GPR158: variants seen among roughly 807,000 people sequenced by gnomAD.
GPR158 encodes G protein-coupled receptor 158, also known as metabotropic glycine receptor.
Under a neutral mutation model 78.2 loss-of-function variants are expected in GPR158, and 30 were observed. The ratio of observed to expected loss-of-function variants is 0.38; its 90% confidence interval spans 0.29 to 0.52. The LOEUF is 0.52. Ranked by LOEUF, GPR158 falls within the 20% of genes least tolerant of loss-of-function variation. GPR158 has a pLI of 0.83. For missense variants in GPR158, 1,463 were observed against 1,523.5 expected (o/e 0.96, Z 0.66); for synonymous variants, 581 against 591.1 (o/e 0.98, Z 0.25).
intron 2 of GPR158, among the ~76,000 whole-genome samples, chr10:25,375,189 TTGTGAATGTTTA>T (rs1834059306): frequency 1.3e-5 from 2 of 151,796 alleles, no homozygotes; most frequent in Admixed American, 1.3e-4. Context: ...TATATCCTCT[TTGTGAATGTTTA>T]TGTCCTTTGC....
At chr10:25,285,388 C>G (rs1564410782) in intron 2 of GPR158, among the ~76,000 whole-genome samples, 1 of 152,072 alleles carries the variant, frequency 6.6e-6, no homozygotes, top group Non-Finnish European at 1.5e-5. Context: ...GCCTCAGCCT[C>G]ATGACAGGCT....
intron 2 of GPR158, among the ~76,000 whole-genome samples, chr10:25,370,685 C>T (rs981348013): frequency 4.8e-4 from 72 of 150,244 alleles, no homozygotes; most frequent in Non-Finnish European, 8.0e-4. Context: ...CTATTAGGTC[C>T]GCTTGATGCA....
At chr10:25,486,141 G>A (rs1373140908) in intron 5 of GPR158, among the ~76,000 whole-genome samples, 2 of 152,116 alleles carry the variant, frequency 1.3e-5, no homozygotes, top group African/African-American at 4.8e-5. Context: ...CATTTTGTTA[G>A]AGCAGTCCAA....
chr10:25,284,029 A>G (rs968493177), intron 2 of GPR158, among the ~76,000 whole-genome samples: 12 of 152,114 alleles, frequency 7.9e-5, no homozygotes, highest in Non-Finnish European at 1.5e-4. Flanking sequence ...TTTGTGACCC[A>G]GAGTATTGTC....
chr10:25,571,945 T>G (rs1415096731), intron 6 of GPR158, among the ~76,000 whole-genome samples: 1 of 152,224 alleles, frequency 6.6e-6, no homozygotes, highest in Non-Finnish European at 1.5e-5. Flanking sequence ...TACTTCATAT[T>G]ATTTTTGGTA....
chr10:25,271,332 T>A (rs181905809), intron 2 of GPR158, among the ~76,000 whole-genome samples: 1 of 152,222 alleles, frequency 6.6e-6, no homozygotes, highest in Non-Finnish European at 1.5e-5. Flanking sequence ...CTTATGTCTG[T>A]CTCTCTCACT....
At chr10:25,568,475 C>T (rs1381553630) in intron 6 of GPR158, among the ~76,000 whole-genome samples, 1 of 152,040 alleles carries the variant, frequency 6.6e-6, no homozygotes, top group African/African-American at 2.4e-5. Context: ...GGAAGAAAAC[C>T]AAGAGAATGT....
chr10:25,399,334 T>C (rs1834410207), intron 3 of GPR158, among the ~76,000 whole-genome samples: 2 of 152,186 alleles, frequency 1.3e-5, no homozygotes, highest in South Asian at 4.1e-4. Context: ...AGCCAAACCA[T>C]ATCAGTGAGA....
intron 1 of GPR158, among the ~76,000 whole-genome samples, chr10:25,204,133 T>C (rs1852980710): frequency 6.6e-6 from 1 of 152,242 alleles, no homozygotes; most frequent in East Asian, 1.9e-4. Flanking sequence ...AAGTTGCTTA[T>C]CAGTTTAAGG....
intron 4 of GPR158, among the ~76,000 whole-genome samples, chr10:25,422,165 G>C (rs1834760505): frequency 6.6e-6 from 1 of 152,164 alleles, no homozygotes; most frequent in African/African-American, 2.4e-5. Flanking sequence ...TGGGGTTACT[G>C]TCTTTTTGTC....
At chr10:25,395,854 C>G (rs1233995637) in intron 2 of GPR158, 57 bp from the exon 3 acceptor site, 2 of 827,752 alleles carry the variant, frequency 2.4e-6, no homozygotes, top group Non-Finnish European at 4.2e-6. Context: ...ATCTGCGAGC[C>G]TTTATACCAT....
chr10:25,435,800 T>C (rs1834990279), intron 4 of GPR158, among the ~76,000 whole-genome samples: 2 of 152,090 alleles, frequency 1.3e-5, no homozygotes, highest in Non-Finnish European at 2.9e-5. Flanking sequence ...AGTGTAAAAG[T>C]GGGGGAAATG....
At chr10:25,491,982 A>G (rs551823442) in intron 5 of GPR158, among the ~76,000 whole-genome samples, 1 of 152,170 alleles carries the variant, frequency 6.6e-6, no homozygotes, top group African/African-American at 2.4e-5. Context: ...TTTATAAAGA[A>G]AAGAGGTGTA....
intron 2 of GPR158, among the ~76,000 whole-genome samples, chr10:25,242,474 T>C (rs539207463): frequency 6.6e-6 from 1 of 152,362 alleles, no homozygotes; most frequent in South Asian, 2.1e-4. Context: ...GTCCATATGA[T>C]TTTTGATCTC....
At chr10:25,200,868 GTTTTTT>G (rs56696555) in intron 1 of GPR158, among the ~76,000 whole-genome samples, 1 of 113,304 alleles carries the variant, frequency 8.8e-6, no homozygotes, top group Non-Finnish European at 1.9e-5. Context: ...TTTTTGTTTT[GTTTTTT>G]TTTTTTTTTT....
At chr10:25,446,279 T>G (rs374020722) in intron 4 of GPR158, among the ~76,000 whole-genome samples, 1 of 152,170 alleles carries the variant, frequency 6.6e-6, no homozygotes, top group Admixed American at 6.5e-5. Flanking sequence ...AAATAAGTAC[T>G]CAGTTCTATT....
intron 2 of GPR158, among the ~76,000 whole-genome samples, chr10:25,236,401 G>A (rs181066928): frequency 3.9e-5 from 6 of 152,192 alleles, no homozygotes; most frequent in Admixed American, 2.0e-4. Flanking sequence ...CCAGCTACTC[G>A]GGAGGCTGAG....
chr10:25,442,194 A>C (rs936301162), intron 4 of GPR158, among the ~76,000 whole-genome samples: 3 of 148,592 alleles, frequency 2.0e-5, no homozygotes, highest in African/African-American at 7.7e-5. Flanking sequence ...ACAAGAACAG[A>C]AAGGAGTTTT....
In GPR158 at chr10:25,487,420, C is replaced by G. The variant is rs765309814; in HGVS notation, c.1404+20701C>G. Among the ~76,000 whole-genome samples the G allele has an allele frequency of 7.2e-5, 11 of 152,164 alleles. 1 individual carries two copies. The highest frequency in any genetic ancestry group is 7.2e-4 in the Admixed American group (11 of 15,254). On this transcript the variant is annotated intron_variant, in intron 5 of 10. Transcript: ENST00000376351. ...ATAAAAAGGCCATTTTCCTCCTTGG[C>G]CGTAAATACCAGGCCCTCATTCCCA...
Sources: gnomAD v4.1 joint callset for allele counts (sites outside exome capture counted in the v4.1 genomes callset) on GRCh38, gnomAD v4.1.1 for gene constraint, MANE v1.5 for transcripts, NCBI Gene and HGNC (gene_info 2026-07-23, HGNC 2026-07-21) for gene names.